SLC4A4: variants seen among roughly 807,000 people sequenced by gnomAD.
SLC4A4 encodes the protein electrogenic sodium bicarbonate cotransporter 1.
Under a neutral mutation model 111.5 loss-of-function variants are expected in SLC4A4, and 27 were observed. That is an observed-to-expected ratio of 0.24 (90% CI 0.18 to 0.33). The LOEUF is 0.33. SLC4A4 is among the 10% of genes least tolerant of loss of function. The probability of loss-of-function intolerance (pLI) is 1.00; values close to 1 mark genes in which losing one functional copy is unlikely to be tolerated. For missense variants in SLC4A4, 909 were observed against 1,315.5 expected, an observed-to-expected ratio of 0.69 and a Z score of 4.78; for synonymous variants, 443 against 463.4, an observed-to-expected ratio of 0.96 and a Z score of 0.57.
intron 3 of SLC4A4, among the ~76,000 whole-genome samples, chr4:71,280,071 G>A (rs1723391347): frequency 6.6e-6 from 1 of 152,234 alleles, no homozygotes; most frequent in Admixed American, 6.5e-5. Flanking sequence ...TGGGATCACA[G>A]GTGTGAGCCA....
chr4:71,373,031 G>T (rs16846310), intron 6 of SLC4A4, among the ~76,000 whole-genome samples: 3,211 of 152,096 alleles, frequency 0.021, 48 homozygotes, highest in Middle Eastern at 0.051. Context: ...TTTAACTTTT[G>T]GAGAGTTTAC....
intron 15 of SLC4A4, among the ~76,000 whole-genome samples, chr4:71,492,528 A>G (rs1730026955): frequency 6.6e-6 from 1 of 151,910 alleles, no homozygotes; most frequent in Non-Finnish European, 1.5e-5. Flanking sequence ...GTACCCATTT[A>G]CCTAAACAAT....
intron 2 of SLC4A4, among the ~76,000 whole-genome samples, chr4:71,244,283 G>A (rs529572681): frequency 3.2e-4 from 49 of 152,232 alleles, no homozygotes; most frequent in African/African-American, 1.2e-3. Context: ...TTCTGTTCCT[G>A]GTCTGCCACT....
At chr4:71,266,986 C>G (rs1475200496) in intron 3 of SLC4A4, among the ~76,000 whole-genome samples, 2 of 152,180 alleles carry the variant, frequency 1.3e-5, no homozygotes, top group Non-Finnish European at 2.9e-5. Context: ...TAATTACTAA[C>G]TACATCAGTA....
intron 2 of SLC4A4, among the ~76,000 whole-genome samples, chr4:71,176,541 T>A (rs2148985072): frequency 6.6e-6 from 1 of 152,302 alleles, no homozygotes; most frequent in South Asian, 2.1e-4. Context: ...TGCACAAGCC[T>A]CAGTAGCCGA....
chr4:71,099,848 C>A (rs892140719), intron 2 of SLC4A4, among the ~76,000 whole-genome samples: 2 of 152,024 alleles, frequency 1.3e-5, no homozygotes, highest in Non-Finnish European at 2.9e-5. Context: ...AACTAGAAAA[C>A]CTAGAAGAGA....
chr4:71,260,299 A>G (rs966297703), intron 3 of SLC4A4, among the ~76,000 whole-genome samples: 2 of 152,092 alleles, frequency 1.3e-5, no homozygotes, highest in African/African-American at 4.8e-5. Context: ...TCCCAACCTG[A>G]CCTCATACTT....
At chr4:71,072,174 A>T (rs1014504843) in intron 1 of SLC4A4, among the ~76,000 whole-genome samples, 6 of 152,190 alleles carry the variant, frequency 3.9e-5, no homozygotes, top group Admixed American at 3.9e-4. Flanking sequence ...TGAGTCTATT[A>T]AAAAATTATT....
intron 3 of SLC4A4, among the ~76,000 whole-genome samples, chr4:71,295,005 G>A (rs1178179585): frequency 2.0e-5 from 3 of 152,072 alleles, no homozygotes; most frequent in Admixed American, 2.0e-4. Flanking sequence ...ATAATTTCAG[G>A]CATTTAGGTT....
At chr4:71,216,572 C>A (rs1167842172) in intron 1 of SLC4A4, among the ~76,000 whole-genome samples, 1 of 152,184 alleles carries the variant, frequency 6.6e-6, no homozygotes, top group African/African-American at 2.4e-5. Context: ...TGATTCCCTG[C>A]AAGGTTCAAA....
At chr4:71,117,852 T>C (rs908842487) in intron 2 of SLC4A4, among the ~76,000 whole-genome samples, 1 of 150,262 alleles carries the variant, frequency 6.7e-6, no homozygotes, top group Admixed American at 6.8e-5. Context: ...CATAAGTTTA[T>C]TTCTTAGTTT....
At chr4:71,437,611 C>A in intron 7 of SLC4A4, 1 of 520,408 alleles carries the variant, frequency 1.9e-6, no homozygotes. Context: ...CTTCAATTTG[C>A]CTTCGTCAAC....
chr4:71,525,185 A>G (rs1411475241), intron 16 of SLC4A4, among the ~76,000 whole-genome samples: 1 of 152,146 alleles, frequency 6.6e-6, no homozygotes, highest in African/African-American at 2.4e-5. Context: ...AGAACAGCAT[A>G]TGTTTATTTG....
At chr4:71,210,288 A>G (rs940836986) in intron 1 of SLC4A4, among the ~76,000 whole-genome samples, 9 of 152,210 alleles carry the variant, frequency 5.9e-5, no homozygotes, top group Admixed American at 1.3e-4. Flanking sequence ...TGTGTTTACC[A>G]TTATCCTTCT....
chr4:71,075,166 A>G (rs1741773051), intron 1 of SLC4A4, among the ~76,000 whole-genome samples: 1 of 152,252 alleles, frequency 6.6e-6, no homozygotes, highest in Non-Finnish European at 1.5e-5. Flanking sequence ...GAAGGAAATC[A>G]CGAATGTCAG....
At chr4:71,331,305 G>T (rs993522061) in intron 3 of SLC4A4, among the ~76,000 whole-genome samples, 20 of 152,232 alleles carry the variant, frequency 1.3e-4, no homozygotes, top group African/African-American at 4.8e-4. Context: ...GGCACTATTC[G>T]TAATAGCAAA....
intron 1 of SLC4A4, among the ~76,000 whole-genome samples, chr4:71,223,342 A>AT (rs1255790473): frequency 1.3e-5 from 2 of 151,752 alleles, no homozygotes; most frequent in East Asian, 2.0e-4. Flanking sequence ...CGCCTGTCTA[A>AT]TTTTTTGTAT....
At chr4:71,474,117 CAAAA>C (rs55943109) in intron 14 of SLC4A4, among the ~76,000 whole-genome samples, 23 of 121,296 alleles carry the variant, frequency 1.9e-4, no homozygotes, top group East Asian at 4.7e-4. Flanking sequence ...AAGACCCTGT[CAAAA>C]AAAAAAAAAA....
chr4:71,435,524 A>G (rs1724050362), intron 7 of SLC4A4, among the ~76,000 whole-genome samples: 1 of 152,240 alleles, frequency 6.6e-6, no homozygotes, highest in Non-Finnish European at 1.5e-5. Flanking sequence ...CTAAAACACC[A>G]AAAGCAATGG....
Sources: allele counts gnomAD v4.1 joint callset (sites outside exome capture counted in the v4.1 genomes callset), GRCh38; gene constraint gnomAD v4.1.1; transcripts MANE v1.5; gene names NCBI Gene and HGNC (gene_info 2026-07-23, HGNC 2026-07-21).